Variants in TECRL observed in about 807,000 individuals in gnomAD.
TECRL encodes trans-2,3-enoyl-CoA reductase-like.
TECRL carries 63 observed loss-of-function variants against 52.8 expected under a neutral mutation model. The ratio of observed to expected loss-of-function variants is 1.19; its 90% confidence interval spans 0.97 to 1.47. The LOEUF is 1.47. Ranked by LOEUF, TECRL falls within the 40% of genes most tolerant of loss-of-function variation. TECRL has a pLI of 0.00. For synonymous variants in TECRL, 164 were observed against 141.9 expected (o/e 1.16, Z -1.10); for missense variants, 482 against 429.6 (o/e 1.12, Z -1.08).
At chr4:64,394,401 G>A (rs1037853134) in intron 1 of TECRL, among the ~76,000 whole-genome samples, 6 of 152,052 alleles carry the variant, frequency 3.9e-5, no homozygotes, top group Non-Finnish European at 8.8e-5. Context: ...CTTAATCTTC[G>A]ATAATTGTAG....
chr4:64,388,968 T>C (rs1723365570), intron 1 of TECRL, among the ~76,000 whole-genome samples: 1 of 151,910 alleles, frequency 6.6e-6, no homozygotes, highest in African/African-American at 2.4e-5. Flanking sequence ...TGCAAATCCA[T>C]CATAATTCCA....
intron 1 of TECRL, among the ~76,000 whole-genome samples, chr4:64,396,505 GT>G (rs1390251306): frequency 4.6e-5 from 7 of 151,666 alleles, no homozygotes; most frequent in Admixed American, 1.3e-4. Context: ...GTGGTTGTTT[GT>G]TTTTTTGCAT....
At chr4:64,407,772 A>AT (rs1343696672) in intron 1 of TECRL, among the ~76,000 whole-genome samples, 4 of 150,640 alleles carry the variant, frequency 2.7e-5, no homozygotes, top group Non-Finnish European at 5.9e-5. Flanking sequence ...GAGTAATTTT[A>AT]TTTTTTTATT....
intron 1 of TECRL, among the ~76,000 whole-genome samples, chr4:64,405,412 G>C (rs559318172): frequency 2.4e-4 from 36 of 152,222 alleles, no homozygotes; most frequent in African/African-American, 8.2e-4. Context: ...TGAGGTGTCA[G>C]ATTAAAAGAC....
intron 1 of TECRL, among the ~76,000 whole-genome samples, chr4:64,408,075 C>A (rs1357522039): frequency 6.6e-6 from 1 of 151,618 alleles, no homozygotes; most frequent in Non-Finnish European, 1.5e-5. Flanking sequence ...CTTAATCTTT[C>A]TTTTCCATCT....
chr4:64,356,750 G>A (rs367729961), intron 2 of TECRL, among the ~76,000 whole-genome samples: 1 of 152,080 alleles, frequency 6.6e-6, no homozygotes. Context: ...GCTAGGTGGC[G>A]GTCCTCTGGG....
chr4:64,300,731 T>G (rs975832829), intron 7 of TECRL, among the ~76,000 whole-genome samples: 8 of 150,774 alleles, frequency 5.3e-5, no homozygotes, highest in Non-Finnish European at 7.5e-5. Flanking sequence ...TAAACACATT[T>G]GCATCTACAC....
At chr4:64,294,246 CAA>C (rs938639189) in intron 8 of TECRL, among the ~76,000 whole-genome samples, 1 of 152,032 alleles carries the variant, frequency 6.6e-6, no homozygotes, top group African/African-American at 2.4e-5. Flanking sequence ...CTCAGCCTCG[CAA>C]AGAGCTGGGA....
intron 1 of TECRL, among the ~76,000 whole-genome samples, chr4:64,407,275 C>T (rs1724796719): frequency 6.6e-6 from 1 of 152,164 alleles, no homozygotes; most frequent in Middle Eastern, 3.4e-3. Context: ...TGTCAGGACT[C>T]TCATAGTTCA....
intron 1 of TECRL, among the ~76,000 whole-genome samples, chr4:64,396,323 C>A (rs760135415): frequency 6.6e-6 from 1 of 152,122 alleles, no homozygotes; most frequent in African/African-American, 2.4e-5. Flanking sequence ...TAGAACCTTG[C>A]CAGCATTTGC....
intron 2 of TECRL, among the ~76,000 whole-genome samples, chr4:64,336,593 T>C (rs1228679116): frequency 6.6e-6 from 1 of 152,230 alleles, no homozygotes; most frequent in Non-Finnish European, 1.5e-5. Context: ...CTTTCAATTG[T>C]GATGTTAGGG....
chr4:64,369,241 T>C (rs1410691718), intron 2 of TECRL, among the ~76,000 whole-genome samples: 2 of 152,162 alleles, frequency 1.3e-5, no homozygotes, highest in Non-Finnish European at 2.9e-5. Context: ...TATATTACTA[T>C]TTTTAGAACA....
chr4:64,400,958 A>G (rs1018766507), intron 1 of TECRL, among the ~76,000 whole-genome samples: 2 of 152,174 alleles, frequency 1.3e-5, no homozygotes, highest in East Asian at 1.9e-4. Flanking sequence ...GGAAAACATA[A>G]TAAGTTTGCC....
At chr4:64,312,774 A>AT (rs1234832031) in intron 5 of TECRL, among the ~76,000 whole-genome samples, 1 of 151,782 alleles carries the variant, frequency 6.6e-6, no homozygotes, top group Non-Finnish European at 1.5e-5. Context: ...CTCAAAAAAA[A>AT]AAAAAATGTA....
intron 4 of TECRL, among the ~76,000 whole-genome samples, chr4:64,318,017 T>C (rs1717626883): frequency 1.3e-5 from 2 of 152,168 alleles, no homozygotes; most frequent in African/African-American, 4.8e-5. Flanking sequence ...CCTAAAATCA[T>C]TTCAGTCATT....
chr4:64,281,178 AT>A, intron 10 of TECRL, 92 bp from the exon 11 acceptor site: 1 of 874,408 alleles, frequency 1.1e-6, no homozygotes, highest in Non-Finnish European at 1.7e-6. Context: ...AAGGCTTAAA[AT>A]ATTAGAAAAC....
Position 64,403,475 on chromosome 4 carries a change from G to GTGCACACACACACACA in TECRL, c.234+5642_234+5643insTGTGTGTGTGTGTGCA, listed in dbSNP as rs1553923025. Among the ~76,000 whole-genome samples the GTGCACACACACACACA allele has an allele frequency of 1.3e-5, 2 of 148,238 alleles. 1 individual carries two copies. Among genetic ancestry groups the GTGCACACACACACACA allele is most frequent in the African/African-American group, 5.0e-5 (2 of 40,078 alleles). ...AAACAATATTCTTCCCTCCCTGAGC[G>GTGCACACACACACACA]CACACACACACACACACACACACAC... On this transcript the variant is annotated intron_variant, in intron 1 of 11. Transcript: ENST00000381210.
Position 64,409,409 on chromosome 4 carries a change from C to T in TECRL, c.-58G>A. 2 of 1,582,202 alleles carry T rather than the reference C, an allele frequency of 1.3e-6. No individual in the cohort carries two copies. The highest frequency in any genetic ancestry group is 1.7e-6 in the Non-Finnish European group (2 of 1,164,142). On this transcript the variant is annotated 5_prime_UTR_variant, in exon 1 of 12. Coordinates refer to ENST00000381210, the MANE Select transcript of TECRL (RefSeq NM_001010874.5). ...AAAGTAGAAAATTGCAAGTGTGTTC[C>T]TTTTGCATCAGTTAAATACTGCTGG...
intron 2 of TECRL, among the ~76,000 whole-genome samples, chr4:64,374,081 A>ATATATT (rs1242146303): frequency 1.8e-4 from 18 of 101,172 alleles, no homozygotes; most frequent in African/African-American, 6.8e-4. Flanking sequence ...ATATATATAT[A>ATATATT]TTTATCTTTT....
Sources: allele counts gnomAD v4.1 joint callset (sites outside exome capture counted in the v4.1 genomes callset), GRCh38; gene constraint gnomAD v4.1.1; transcripts MANE v1.5; gene names NCBI Gene and HGNC (gene_info 2026-07-23, HGNC 2026-07-21).